The following TMEM232 variants were observed in gnomAD, a reference collection of about 807,000 sequenced individuals.
TMEM232 encodes transmembrane protein 232.
A neutral mutation model predicts 78.8 loss-of-function variants in TMEM232; 80 were observed. The observed-to-expected ratio is 1.01, with a 90% CI of 0.85 to 1.22. The LOEUF is 1.22. TMEM232 is among the 50% of genes most tolerant of loss of function. TMEM232 has a pLI of 0.00. For synonymous variants in TMEM232, 297 were observed against 254.3 expected (o/e 1.17, Z -1.60); for missense variants, 881 against 742.2 (o/e 1.19, Z -2.17).
At position 110,622,843 on chromosome 5, in the gene TMEM232, G is replaced by C. The variant is rs183420459; in HGVS notation, c.768+2424C>G. ...AACATCACACTCTGGGGAATGTTGTGGGGTGTGGGGAGGGGGGAGGGATAG... is the reference window on the plus strand; with the variant it reads ...AACATCACACTCTGGGGAATGTTGTCGGGTGTGGGGAGGGGGGAGGGATAG... On this transcript the variant is annotated intron_variant, in intron 7 of 13. Transcript: ENST00000455884. Among the ~76,000 whole-genome samples, 1,003 of 150,422 alleles carry C rather than the reference G, an allele frequency of 6.7e-3. 10 individuals carry two copies. Among genetic ancestry groups the C allele is most frequent in the African/African-American group, 0.023 (931 of 40,706 alleles).
intron 12 of TMEM232, among the ~76,000 whole-genome samples, chr5:110,522,089 C>T (rs1332126244): frequency 6.6e-6 from 1 of 152,082 alleles, no homozygotes; most frequent in Non-Finnish European, 1.5e-5. Flanking sequence ...TTTATGTATT[C>T]TTTATTTCAC....
chr5:110,644,626 G>A (rs1226301073), intron 2 of TMEM232, among the ~76,000 whole-genome samples: 1 of 151,348 alleles, frequency 6.6e-6, no homozygotes, highest in African/African-American at 2.4e-5. Flanking sequence ...AGTAATAACA[G>A]AAAAGCTTAT....
intron 2 of TMEM232, among the ~76,000 whole-genome samples, chr5:110,404,147 T>C (rs1010507495): frequency 2.0e-5 from 3 of 152,100 alleles, no homozygotes; most frequent in Non-Finnish European, 4.4e-5. Flanking sequence ...ATTTGATGTA[T>C]AAATTTAATT....
At chr5:110,645,563 TCAATTTACTTTACAGAATAAAGA>T (rs1368859491) in intron 2 of TMEM232, among the ~76,000 whole-genome samples, 1 of 150,964 alleles carries the variant, frequency 6.6e-6, no homozygotes, top group Non-Finnish European at 1.5e-5. Context: ...AGAATTTACG[TCAATTTACTTTACAGAATAAAGA>T]CCATCATATC....
At chr5:110,706,410 T>C (rs1795936052) in intron 1 of TMEM232, among the ~76,000 whole-genome samples, 1 of 152,158 alleles carries the variant, frequency 6.6e-6, no homozygotes, top group Non-Finnish European at 1.5e-5. Flanking sequence ...TATTATTGAT[T>C]ATTTTTCTAA....
intron 12 of TMEM232, among the ~76,000 whole-genome samples, chr5:110,524,504 G>T (rs936750624): frequency 6.6e-6 from 1 of 152,064 alleles, no homozygotes; most frequent in African/African-American, 2.4e-5. Context: ...TTTTTGATTG[G>T]AAGATAAACT....
At chr5:110,519,159 T>A (rs1016063570) in intron 12 of TMEM232, among the ~76,000 whole-genome samples, 2 of 152,146 alleles carry the variant, frequency 1.3e-5, no homozygotes, top group Non-Finnish European at 2.9e-5. Context: ...ATATAATTTT[T>A]AAAAATTGAC....
At chr5:110,474,691 T>C (rs1763056185) in intron 12 of TMEM232, among the ~76,000 whole-genome samples, 3 of 152,000 alleles carry the variant, frequency 2.0e-5, no homozygotes, top group African/African-American at 7.2e-5. Flanking sequence ...AGACTTAATA[T>C]GCATATTTAA....
chr5:110,724,537 A>C (rs976803076), intron 1 of TMEM232, among the ~76,000 whole-genome samples: 2 of 152,226 alleles, frequency 1.3e-5, no homozygotes, highest in Non-Finnish European at 2.9e-5. Flanking sequence ...GAAATTTCAG[A>C]GTTATCCTCA....
At chr5:110,516,089 A>G (rs1261568996) in intron 12 of TMEM232, among the ~76,000 whole-genome samples, 2 of 152,022 alleles carry the variant, frequency 1.3e-5, no homozygotes, top group African/African-American at 4.8e-5. Context: ...AACACAAAAA[A>G]TTACCCGGGC....
intron 12 of TMEM232, among the ~76,000 whole-genome samples, chr5:110,514,817 T>G (rs75782033): frequency 6.6e-6 from 1 of 152,150 alleles, no homozygotes; most frequent in East Asian, 1.9e-4. Context: ...TCTCTCTATA[T>G]GTACTTACTA....
chr5:110,509,637 A>G (rs1272227621), intron 12 of TMEM232, among the ~76,000 whole-genome samples: 4 of 152,194 alleles, frequency 2.6e-5, no homozygotes, highest in Non-Finnish European at 5.9e-5. Flanking sequence ...ATGGTATACA[A>G]TATTACCGCC....
At chr5:110,465,453 T>G (rs1761972857) in intron 12 of TMEM232, among the ~76,000 whole-genome samples, 1 of 152,226 alleles carries the variant, frequency 6.6e-6, no homozygotes, top group Non-Finnish European at 1.5e-5. Context: ...AATATTTTAG[T>G]TGGGTCAGGT....
intron 11 of TMEM232, among the ~76,000 whole-genome samples, chr5:110,563,136 C>G (rs1032921999): frequency 1.3e-5 from 2 of 151,708 alleles, no homozygotes; most frequent in African/African-American, 4.8e-5. Context: ...ATGAAAACAC[C>G]CTTTAAATGT....
chr5:110,723,504 C>T (rs941289237), intron 1 of TMEM232, among the ~76,000 whole-genome samples: 2 of 152,050 alleles, frequency 1.3e-5, no homozygotes, highest in Admixed American at 6.6e-5. Flanking sequence ...TCCATGGGTA[C>T]CATTATGTTT....
chr5:110,474,382 C>A (rs1763015119), intron 12 of TMEM232, among the ~76,000 whole-genome samples: 1 of 151,918 alleles, frequency 6.6e-6, no homozygotes, highest in Non-Finnish European at 1.5e-5. Context: ...TTTAATGTAT[C>A]CCTGTTCTGT....
chr5:110,482,088 A>T (rs1763932663), intron 12 of TMEM232, among the ~76,000 whole-genome samples: 1 of 152,166 alleles, frequency 6.6e-6, no homozygotes, highest in Non-Finnish European at 1.5e-5. Flanking sequence ...CCAAAGCTCC[A>T]AACAAAATCT....
chr5:110,730,502 A>C (rs186145339), upstream of TMEM232, among the ~76,000 whole-genome samples: 234 of 152,314 alleles, frequency 1.5e-3, no homozygotes, highest in Non-Finnish European at 2.7e-3. Context: ...CATGCTGCTG[A>C]TAAGTACATA....
chr5:110,590,520 T>C (rs1194011365), intron 10 of TMEM232, among the ~76,000 whole-genome samples: 1 of 152,126 alleles, frequency 6.6e-6, no homozygotes, highest in East Asian at 1.9e-4. Flanking sequence ...TAATGCCTGA[T>C]GATCTGAGAT....
Sources: allele counts gnomAD v4.1 joint callset (sites outside exome capture counted in the v4.1 genomes callset), GRCh38; gene constraint gnomAD v4.1.1; transcripts MANE v1.5; gene names NCBI Gene and HGNC (gene_info 2026-07-23, HGNC 2026-07-21).